SCOC: variants seen among roughly 807,000 people sequenced by gnomAD.
The protein encoded by SCOC is short coiled-coil protein, also known as short coiled coil protein.
A neutral mutation model predicts 9.9 loss-of-function variants in SCOC; 7 were observed. The ratio of observed to expected loss-of-function variants is 0.71; its 90% CI spans 0.40 to 1.33. SCOC has a LOEUF of 1.33. Among genes scored for constraint, SCOC ranks in the 40% most tolerant of loss-of-function variants. The probability of loss-of-function intolerance (pLI) is 0.01; values close to 1 mark genes in which losing one functional copy is unlikely to be tolerated. For synonymous variants in SCOC, 19 were observed against 28.2 expected, an observed-to-expected ratio of 0.67 and a Z score of 1.03; for missense variants, 66 against 89.7, an observed-to-expected ratio of 0.74 and a Z score of 1.07.
At chr4:140,309,833 G>A (rs537013068) in intron 1 of SCOC, among the ~76,000 whole-genome samples, 14 of 152,166 alleles carry the variant, frequency 9.2e-5, no homozygotes, top group Admixed American at 3.3e-4. Context: ...CACAGCTCAT[G>A]GCAGCTACTG....
intron 1 of SCOC, chr4:140,376,594 C>G (rs1728355189): frequency 6.6e-6 from 1 of 152,216 alleles, no homozygotes; most frequent in Admixed American, 6.5e-5. Context: ...CTACCCTAAT[C>G]TTGAGTGTAA....
intron 1 of SCOC, among the ~76,000 whole-genome samples, chr4:140,332,889 AACCAGTGTCTATTTTCTT>A (rs1732860059): frequency 6.6e-6 from 1 of 152,024 alleles, no homozygotes; most frequent in Non-Finnish European, 1.5e-5. Flanking sequence ...CTCACCCTTT[AACCAGTGTCTATTTTCTT>A]CACTACAGTC....
At chr4:140,305,677 G>C (rs1459857930) in intron 1 of SCOC, among the ~76,000 whole-genome samples, 1 of 152,202 alleles carries the variant, frequency 6.6e-6, no homozygotes, top group African/African-American at 2.4e-5. Flanking sequence ...TATAGACAGA[G>C]AGGAAGGTAG....
At position 140,366,725 on chromosome 4, in the gene SCOC, T is replaced by G; in HGVS notation, c.71-12396T>G. 4 of 1,582,822 alleles carry G rather than the reference T, an allele frequency of 2.5e-6. No individual in the cohort carries two copies. In the South Asian group the frequency reaches 3.3e-5, roughly 13 times the overall value. The stretch of plus-strand genomic sequence containing the variant: ...CACTTGAAAGGCATGGTCTGTCTCC[T>G]CACTTGAGTGCAAGGTCCATCAACC... On this transcript the variant is annotated intron_variant, in intron 2 of 4. Coordinates refer to the SCOC transcript ENST00000338517.
chr4:140,273,872 A>G (rs150733024), intron 1 of SCOC, among the ~76,000 whole-genome samples: 124 of 152,376 alleles, frequency 8.1e-4, no homozygotes, highest in Non-Finnish European at 1.6e-3. Flanking sequence ...TTTAAAGCTT[A>G]TAATAATCAT....
intron 1 of SCOC, among the ~76,000 whole-genome samples, chr4:140,305,702 T>C (rs752356526): frequency 5.9e-5 from 9 of 152,012 alleles, no homozygotes; most frequent in Non-Finnish European, 1.3e-4. Context: ...GAGGTGGTCA[T>C]AGGGGAGGAG....
At position 140,382,270 on chromosome 4, in the gene SCOC, T is replaced by C. The variant is rs1560734371; in HGVS notation, c.*1166T>C. 1 of 152,270 alleles carries C rather than the reference T, an allele frequency of 6.6e-6. No homozygotes were observed. Among genetic ancestry groups the C allele is most frequent in the Non-Finnish European group, 1.5e-5 (1 of 68,028 alleles). 9.4% of individuals were successfully genotyped at this position (152,270 alleles called of 1,614,324 possible). The stretch of plus-strand genomic sequence containing the variant: ...CATCCTTTAACAATTTTTAAAAATT[T>C]AGCTTCTAGATTCCATTTGGTAAGG... On this transcript the variant is annotated 3_prime_UTR_variant, in exon 4 of 4. Transcript: ENST00000608372.
chr4:140,346,532 C>T (rs1726748250), intron 2 of SCOC, among the ~76,000 whole-genome samples: 1 of 152,158 alleles, frequency 6.6e-6, no homozygotes, highest in Non-Finnish European at 1.5e-5. Flanking sequence ...GAAGTTTCTA[C>T]TAACTCTTGA....
chr4:140,362,547 A>T (rs1047273669), intron 2 of SCOC, among the ~76,000 whole-genome samples: 2 of 151,520 alleles, frequency 1.3e-5, no homozygotes, highest in South Asian at 4.2e-4. Context: ...TGCTCACCTC[A>T]GCCACCAAAA....
chr4:140,271,928 G>A (rs1023742432), intron 1 of SCOC, among the ~76,000 whole-genome samples: 1 of 152,116 alleles, frequency 6.6e-6, no homozygotes, highest in African/African-American at 2.4e-5. Context: ...TGGAATGAAC[G>A]GGCGCCTGTC....
intron 1 of SCOC, among the ~76,000 whole-genome samples, chr4:140,272,490 A>C (rs1730868845): frequency 1.3e-5 from 2 of 152,206 alleles, no homozygotes; most frequent in East Asian, 1.9e-4. Context: ...ATCCTCGATA[A>C]CACCTTTAAT....
At chr4:140,367,362 T>C (rs1035667880) in intron 2 of SCOC, among the ~76,000 whole-genome samples, 2 of 152,188 alleles carry the variant, frequency 1.3e-5, no homozygotes, top group Admixed American at 6.5e-5. Context: ...ACACATATGA[T>C]TAATCTTGAT....
chr4:140,308,133 T>C (rs566826501), intron 1 of SCOC, among the ~76,000 whole-genome samples: 19 of 152,304 alleles, frequency 1.2e-4, no homozygotes, highest in Middle Eastern at 3.4e-3. Context: ...ATCTGTTTAG[T>C]GCTATTGCCA....
intron 1 of SCOC, among the ~76,000 whole-genome samples, chr4:140,286,438 C>T (rs1432885008): frequency 1.3e-5 from 2 of 151,918 alleles, no homozygotes; most frequent in East Asian, 1.9e-4. Context: ...CCCACTGTTG[C>T]CCCTCCCAAA....
At chr4:140,283,880 T>G (rs1731158736) in intron 1 of SCOC, 1 of 152,206 alleles carries the variant, frequency 6.6e-6, no homozygotes. Context: ...AGTGAGCAAG[T>G]CTGGGCACAA....
At chr4:140,355,716 AATATTGGAAT>A (rs1727199334) in intron 2 of SCOC, among the ~76,000 whole-genome samples, 1 of 152,222 alleles carries the variant, frequency 6.6e-6, no homozygotes, top group Non-Finnish European at 1.5e-5. Flanking sequence ...GCTCTCTACC[AATATTGGAAT>A]ATGCTCAGAC....
intron 1 of SCOC, among the ~76,000 whole-genome samples, chr4:140,260,648 T>A (rs1324780185): frequency 6.6e-6 from 1 of 152,218 alleles, no homozygotes; most frequent in Admixed American, 6.5e-5. Flanking sequence ...TACTCAAATT[T>A]GCTGAACTTC....
intron 1 of SCOC, chr4:140,285,208 T>C: frequency 2.2e-6 from 1 of 456,776 alleles, no homozygotes; most frequent in Non-Finnish European, 4.4e-6. Context: ...AGACATCCTG[T>C]TGTATTTCTT....
rs764771050 is a variant in SCOC, at chr4:140,381,106, G to A, written c.*2G>A. ...GACACAAAAAGCAAAAGAAAGTAAG[G>A]GATTGACACCCTTCTGTTTTATGGA... On this transcript the variant is annotated 3_prime_UTR_variant, in exon 4 of 4. Coordinates refer to ENST00000608372, the MANE Select transcript of SCOC (RefSeq NM_001153484.2). The A allele has an allele frequency of 3.1e-6, 5 of 1,589,116 alleles. No homozygotes were observed. In the East Asian group the frequency reaches 9.1e-5, roughly 29 times the overall value.
Sources: gnomAD v4.1 joint callset for allele counts (sites outside exome capture counted in the v4.1 genomes callset) on GRCh38, gnomAD v4.1.1 for gene constraint, MANE v1.5 for transcripts, NCBI Gene and HGNC (gene_info 2026-07-23, HGNC 2026-07-21) for gene names.